The following COL11A2 variants were observed in gnomAD, a reference collection of about 807,000 sequenced individuals.
COL11A2 encodes collagen alpha-2(XI) chain.
Under a neutral mutation model 273.4 loss-of-function variants are expected in COL11A2, and 116 were observed. The observed-to-expected ratio is 0.42, with a 90% confidence interval of 0.36 to 0.49. The LOEUF is 0.49. Among genes scored for constraint, COL11A2 ranks in the 20% least tolerant of loss-of-function variants. The probability of loss-of-function intolerance (pLI) is 0.00; values close to 1 mark genes in which losing one functional copy is unlikely to be tolerated. For missense variants in COL11A2, 1,866 were observed against 2,309.0 expected (o/e 0.81, Z 3.93); for synonymous variants, 782 against 864.2 (o/e 0.90, Z 1.67).
chr6:33,174,239 G>C (rs1770580996), intron 31 of COL11A2, 21 bp from the exon 32 acceptor site: 1 of 1,556,442 alleles, frequency 6.4e-7, no homozygotes, highest in Non-Finnish European at 8.7e-7. Flanking sequence ...CGGAGAAGGG[G>C]GGAAATTGAG....
Position 33,179,873 on chromosome 6 carries a change from T to C in COL11A2, c.1360-68A>G, listed in dbSNP as rs1771500907. On this transcript the variant is annotated intron_variant, in intron 12 of 65. Transcript: ENST00000341947. The surrounding 1 kb of genome is among the most constrained non-coding windows in gnomAD (Gnocchi z 6.4). ...CCATGGGACCCTCCCAGCCAGAGGC[T>C]TTCTCCAGCGTTTCTGCCCCTTGCC... is the stretch of plus-strand genomic sequence containing the variant. The C allele has an allele frequency of 2.0e-6, 3 of 1,464,470 alleles. No individual in the cohort carries two copies. Among genetic ancestry groups the C allele is most frequent in the Non-Finnish European group, 2.8e-6 (3 of 1,055,676 alleles). 90.7% of individuals were successfully genotyped at this position (1,464,470 alleles called of 1,614,324 possible). A position where few individuals can be genotyped will look rare whatever the true frequency, so the allele number is the denominator to read the frequency against.
At chr6:33,191,848 C>T (rs1342749739) in intron 1 of COL11A2, among the ~76,000 whole-genome samples, 1 of 152,206 alleles carries the variant, frequency 6.6e-6, no homozygotes, top group Non-Finnish European at 1.5e-5. Flanking sequence ...AATGACTGGA[C>T]CGGGCTGGCC....
In COL11A2 at chr6:33,173,205, C is replaced by A. The variant is rs566180727; in HGVS notation, c.2737-92G>T. ...GGAAGGATCCCAGGCAGGATCACAC[C>A]AAGCCCTGGGCCCTGGGTCTGAGCA... On this transcript the variant is annotated intron_variant, in intron 37 of 65. Transcript: ENST00000341947. The surrounding 1 kb of genome is among the most constrained non-coding windows in gnomAD (Gnocchi z 6.3). 2 of 1,542,334 alleles carry A rather than the reference C, an allele frequency of 1.3e-6. No homozygotes were observed. Among genetic ancestry groups the A allele is most frequent in the East Asian group, 2.3e-5 (1 of 42,902 alleles).
chr6:33,175,737 C>T (rs1033670280), intron 29 of COL11A2, 56 bp from the exon 30 acceptor site: 3 of 1,544,024 alleles, frequency 1.9e-6, no homozygotes, highest in Non-Finnish European at 2.7e-6. Flanking sequence ...GCTCTGGGCC[C>T]AGAGGAGAAA....
rs1770373060 is a variant in COL11A2, at chr6:33,173,162, T to G, written c.2737-49A>C. On this transcript the variant is annotated intron_variant, in intron 37 of 65. Coordinates refer to ENST00000341947, the MANE Select transcript of COL11A2 (RefSeq NM_080680.3). This position sits in a 1 kb window ranked among gnomAD's most constrained non-coding sequence, Gnocchi z 6.3. ...GCAGTGAAAGCAGGTGTGGGCGCTG[T>G]GGGGCAGATTCCCAGGAGGAAGGAT... 6.3e-7 allele frequency: 1 copy of G among 1,585,106 alleles called. No homozygotes were observed. Among genetic ancestry groups the G allele is most frequent in the African/African-American group, 1.3e-5 (1 of 74,148 alleles).
At chr6:33,172,848 A>G (rs1278115968) in intron 38 of COL11A2, among the ~76,000 whole-genome samples, 2 of 151,938 alleles carry the variant, frequency 1.3e-5, no homozygotes, top group African/African-American at 4.8e-5. Flanking sequence ...TCTGTTGGGG[A>G]ACTGCCTCTC....
In COL11A2 at chr6:33,162,961, C is replaced by T. The variant is rs1470880559; in HGVS notation, c.*717G>A. On this transcript the variant is annotated 3_prime_UTR_variant, in exon 66 of 66. Transcript: ENST00000341947. The surrounding 1 kb of genome is among the most constrained non-coding windows in gnomAD (Gnocchi z 4.9). ...CACACCCCACACTATTCCGTTTCTT[C>T]CCTGGGGGAGCATCCTGGCCCTCAA... 6.4e-6 allele frequency: 1 copy of T among 157,044 alleles called. No homozygotes were observed. The highest frequency in any genetic ancestry group is 2.4e-5 in the African/African-American group (1 of 41,542). The allele number at this position is 157,044 out of a possible 1,614,324, so 9.7% of individuals were successfully genotyped here. A position where few individuals can be genotyped will look rare whatever the true frequency, so the allele number is the denominator to read the frequency against.
rs1722724850 is a variant in COL11A2 at position 33,166,354 on chromosome 6, T to C, written c.4393-148A>G. On this transcript the variant is annotated intron_variant, in intron 60 of 65. Transcript: ENST00000341947. The surrounding 1 kb of genome is among the most constrained non-coding windows in gnomAD (Gnocchi z 4.8). ...GGGAATACTAGGACATTCAGAGCCC[T>C]GGAAGTATGGGGAGGAGGTACTGGT... is the stretch of plus-strand genomic sequence containing the variant. 16 of 1,280,634 alleles carry C rather than the reference T, an allele frequency of 1.2e-5. No homozygotes were observed. Among genetic ancestry groups the C allele is most frequent in the Non-Finnish European group, 1.7e-5 (16 of 923,894 alleles). The allele number at this position is 1,280,634 out of a possible 1,614,324, so 79.3% of individuals were successfully genotyped here. A position where few individuals can be genotyped will look rare whatever the true frequency, so the allele number is the denominator to read the frequency against.
chr6:33,192,175 C>A lies in COL11A2; in HGVS notation c.66G>T (p.Ala22=). The A allele has an allele frequency of 6.4e-7, 1 of 1,560,900 alleles. No homozygotes were observed. Among genetic ancestry groups the A allele is most frequent in the Non-Finnish European group, 8.7e-7 (1 of 1,152,234 alleles). The change falls in exon 1 of 66, where the codon GCG becomes GCT. Residue 22 remains alanine, a synonymous_variant. Transcript: ENST00000341947. ...LLLPLVLGLS[A]APGWAGAPPV... ...TCCTCTTACCTGCCCAGCCTGGGGC[C>A]GCGCTCAGCCCCAGCACCAGAGGTA...
At position 33,189,360 on chromosome 6, in the gene COL11A2, T is replaced by C. The variant is rs1423162875; in HGVS notation, c.192A>G (p.Arg64=). ...GAGTGGGTGCACTGAGCTGGGCAGG[T>C]CGTGCCACTCGGTAGGCCACATCAG... The part of the protein sequence containing the change: ...CPADVAYRVA[R]PAQLSAPTRQ... Residue 64 remains arginine, a synonymous_variant, in exon 2 of 66, where the codon CGA becomes CGG. Transcript: ENST00000341947. This position sits in a 1 kb window ranked among gnomAD's most constrained non-coding sequence, Gnocchi z 5.6. 1.2e-6 allele frequency: 2 copies of C among 1,613,334 alleles called. No homozygotes were observed. The highest frequency in any genetic ancestry group is 1.7e-5 in the Admixed American group (1 of 60,018).
In COL11A2 at chr6:33,178,929, A is replaced by G. The variant is rs1771314121; in HGVS notation, c.1656T>C (p.Pro552=). 6.2e-7 allele frequency: 1 copy of G among 1,613,996 alleles called. No individual in the cohort carries two copies. The highest frequency in any genetic ancestry group is 1.6e-4 in the Middle Eastern group (1 of 6,062). ...ADGARGMPGD[P]GVKGDRGFDG... is the part of the protein sequence containing the mutation. ...GGCCCAAGCCTGTTACCTTCACTCC[A>G]GGATCTCCAGGCATCCCTCGGGCTC... Residue 552 remains proline (P), a synonymous_variant, in exon 17 of 66, where the codon CCT becomes CCC. Coordinates refer to ENST00000341947, the MANE Select transcript of COL11A2 (RefSeq NM_080680.3). The surrounding 1 kb of genome is among the most constrained non-coding windows in gnomAD (Gnocchi z 4.6).
chr6:33,183,553 CTTA>C (rs1337081709), intron 8 of COL11A2, among the ~76,000 whole-genome samples: 1 of 152,156 alleles, frequency 6.6e-6, no homozygotes, highest in African/African-American at 2.4e-5. Flanking sequence ...CAGGAAGTGG[CTTA>C]TTGTCAAAGG....
Position 33,189,561 on chromosome 6 carries a change from G to A in COL11A2, c.83-92C>T. On this transcript the variant is annotated intron_variant, in intron 1 of 65. Coordinates refer to ENST00000341947, the MANE Select transcript of COL11A2 (RefSeq NM_080680.3). This position sits in a 1 kb window ranked among gnomAD's most constrained non-coding sequence, Gnocchi z 5.6. ...GGGATCTAGAACTCAGCTTTCCAGGGCTCAAACTCCCTGCAAGGGAAAGGT... is the reference window on the plus strand; with the variant it reads ...GGGATCTAGAACTCAGCTTTCCAGGACTCAAACTCCCTGCAAGGGAAAGGT... 6 of 1,527,486 alleles carry A rather than the reference G, an allele frequency of 3.9e-6. 1 individual carries two copies. The South Asian group carries it at 7.0e-5, about 18-fold the overall frequency. 94.6% of individuals were successfully genotyped at this position (1,527,486 alleles called of 1,614,324 possible).
At position 33,179,802 on chromosome 6, in the gene COL11A2, G is replaced by T. The variant is rs144862714; in HGVS notation, c.1363C>A (p.Arg455=). Residue 455 remains arginine (R), a synonymous_variant, in exon 13 of 66, where the codon CGG becomes AGG. Coordinates refer to ENST00000341947, the MANE Select transcript of COL11A2 (RefSeq NM_080680.3). The surrounding 1 kb of genome is among the most constrained non-coding windows in gnomAD (Gnocchi z 6.4). The part of the protein sequence containing the change: ...PPGTSLMLPF[R]FGSGGGDKGP... ...TTGTCACCCCCACCACTGCCAAACCGGAACTGAGGTCAAGGAGAGAAGGTC... is the reference window on the plus strand; with the variant it reads ...TTGTCACCCCCACCACTGCCAAACCTGAACTGAGGTCAAGGAGAGAAGGTC... The T allele has an allele frequency of 3.1e-6, 5 of 1,610,656 alleles. No homozygotes were observed. In the Middle Eastern group the frequency reaches 4.9e-4, roughly 159 times the overall value.
rs906097225 is a variant in COL11A2 at position 33,163,758 on chromosome 6, G to A, written c.5131C>T (p.Leu1711=). The part of the protein sequence containing the change: ...RTPVLEQLPV[L]DASFSDLGAP... ...CCCAGGTCTGAGAAGGAGGCATCCA[G>A]CACTGGCAGCTGCTCCAGCACAGGC... is the stretch of plus-strand genomic sequence containing the variant. Residue 1711 remains leucine, a synonymous_variant, in exon 66 of 66, where the codon CTG becomes TTG. Coordinates refer to ENST00000341947, the MANE Select transcript of COL11A2 (RefSeq NM_080680.3). This position sits in a 1 kb window ranked among gnomAD's most constrained non-coding sequence, Gnocchi z 4.1. 2 of 1,613,074 alleles carry A rather than the reference G, an allele frequency of 1.2e-6. No individual in the cohort carries two copies. The highest frequency in any genetic ancestry group is 1.7e-6 in the Non-Finnish European group (2 of 1,180,010).
rs1771255200 is a variant in COL11A2, at chr6:33,178,564, C to A, written c.1720-76G>T. 6.2e-7 allele frequency: 1 copy of A among 1,608,140 alleles called. No individual in the cohort carries two copies. The highest frequency in any genetic ancestry group is 1.7e-5 in the Admixed American group (1 of 60,002). On this transcript the variant is annotated intron_variant, in intron 18 of 65. Transcript: ENST00000341947. This position sits in a 1 kb window ranked among gnomAD's most constrained non-coding sequence, Gnocchi z 4.6. ...CAGACACCGAACCTCTGCACTTAGC[C>A]CATCCATTACTTTCACTGAGCTCCT...
At position 33,177,057 on chromosome 6, in the gene COL11A2, CAA is replaced by C. The variant is rs746550569; in HGVS notation, c.2017-14_2017-13del. On this transcript the variant is annotated splice_polypyrimidine_tract_variant and intron_variant, in intron 24 of 65. Transcript: ENST00000341947. This position sits in a 1 kb window ranked among gnomAD's most constrained non-coding sequence, Gnocchi z 5.9. ...TTCCCTTGAGGACCCTGCAGGAAGA[CAA>C]AGAGGCTCAGGGTCACTAGAGGGGT... The C allele has an allele frequency of 1.2e-5, 19 of 1,612,504 alleles. No homozygotes were observed. In the African/African-American group the frequency reaches 2.5e-4, roughly 21 times the overall value.
At position 33,176,656 on chromosome 6, in the gene COL11A2, G is replaced by T; in HGVS notation, c.2115+65C>A. 2 of 1,520,244 alleles carry T rather than the reference G, an allele frequency of 1.3e-6. No individual in the cohort carries two copies. The highest frequency in any genetic ancestry group is 1.8e-6 in the Non-Finnish European group (2 of 1,102,146). 94.2% of individuals were successfully genotyped at this position (1,520,244 alleles called of 1,614,324 possible). A position where few individuals can be genotyped will look rare whatever the true frequency, so the allele number is the denominator to read the frequency against. ...GAATAATGAGACAAGGGAATCCCAA[G>T]GACTTTGAGGCTCTAGAGTCTGAGT... On this transcript the variant is annotated intron_variant, in intron 26 of 65. Coordinates refer to ENST00000341947, the MANE Select transcript of COL11A2 (RefSeq NM_080680.3). The surrounding 1 kb of genome is among the most constrained non-coding windows in gnomAD (Gnocchi z 4.9).
rs1201070412 is a variant in COL11A2, at chr6:33,166,875, G to A, written c.4231-48C>T. On this transcript the variant is annotated intron_variant, in intron 58 of 65. Coordinates refer to ENST00000341947, the MANE Select transcript of COL11A2 (RefSeq NM_080680.3). The surrounding 1 kb of genome is among the most constrained non-coding windows in gnomAD (Gnocchi z 4.8). ...AAGAGAATGCAAAGAGGAGTCATGT[G>A]GATGGGGGAGAAGGGCCAAGAGGAC... 1 of 1,591,282 alleles carries A rather than the reference G, an allele frequency of 6.3e-7. No individual in the cohort carries two copies. The highest frequency in any genetic ancestry group is 2.3e-5 in the East Asian group (1 of 44,296).
Sources: gnomAD v4.1 joint callset for allele counts (sites outside exome capture counted in the v4.1 genomes callset) on GRCh38, gnomAD v4.1.1 for gene constraint, Gnocchi (gnomAD v3.1) non-coding constraint, MANE v1.5 for transcripts, NCBI Gene and HGNC (gene_info 2026-07-23, HGNC 2026-07-21) for gene names.